Variants in DNAH11 observed in about 807,000 individuals in gnomAD.
DNAH11 encodes axonemal beta dynein heavy chain 11.
DNAH11 carries 442 observed loss-of-function variants against 526.0 expected under a neutral mutation model. That is an observed-to-expected ratio of 0.84 (90% CI 0.78 to 0.91). DNAH11 has a LOEUF of 0.91. Ranked by LOEUF, DNAH11 falls within the 40% of genes least tolerant of loss-of-function variation. The pLI, the probability that DNAH11 is intolerant of heterozygous loss-of-function variation, is 0.00. For missense variants in DNAH11, 6,989 were observed against 5,448.7 expected, an observed-to-expected ratio of 1.28 and a Z score of -8.90; for synonymous variants, 2,461 against 1,935.9, an observed-to-expected ratio of 1.27 and a Z score of -7.12.
rs183501471 is a variant in DNAH11 at position 21,590,699 on chromosome 7, T to C, written c.2170-219T>C. ...TTTCATAAAACCAATTTATAGAAAC[T>C]AATTTCTTGAGATGTTTAAGGATAA... On this transcript the variant is annotated intron_variant, in intron 12 of 81. Coordinates refer to ENST00000409508, the MANE Select transcript of DNAH11 (RefSeq NM_001277115.2). 2.0e-5 allele frequency among the ~76,000 whole-genome samples: 3 copies of C among 152,184 alleles called. No homozygotes were observed. In the South Asian group the frequency reaches 6.2e-4, roughly 31 times the overall value.
chr7:21,857,534 G>T (rs547221736), intron 68 of DNAH11, among the ~76,000 whole-genome samples: 36 of 147,238 alleles, frequency 2.4e-4, no homozygotes, highest in African/African-American at 8.5e-4. Flanking sequence ...TTTTGAAAAA[G>T]AAAAAAAAAA....
At chr7:21,690,741 T>G in intron 34 of DNAH11, 24 bp from the exon 35 acceptor site, 2 of 1,552,412 alleles carry the variant, frequency 1.3e-6, no homozygotes, top group Non-Finnish European at 1.8e-6. Context: ...ACATTTAATT[T>G]CATCAACATT....
At chr7:21,671,469 A>T (rs1252658998) in intron 30 of DNAH11, among the ~76,000 whole-genome samples, 1 of 152,150 alleles carries the variant, frequency 6.6e-6, no homozygotes, top group African/African-American at 2.4e-5. Flanking sequence ...TTTCAGTATT[A>T]TCCTCAGAAC....
intron 30 of DNAH11, among the ~76,000 whole-genome samples, chr7:21,661,876 A>G (rs534468843): frequency 1.1e-4 from 17 of 152,068 alleles, no homozygotes; most frequent in East Asian, 1.9e-4. Context: ...CTGGAGTGCA[A>G]TGGCACAATC....
intron 6 of DNAH11, among the ~76,000 whole-genome samples, chr7:21,569,797 G>C (rs751650812): frequency 7.2e-5 from 11 of 152,188 alleles, no homozygotes; most frequent in Non-Finnish European, 1.3e-4. Flanking sequence ...CATGACAGTT[G>C]TCATATAATG....
At position 21,638,929 on chromosome 7, in the gene DNAH11, A is replaced by T. The variant is rs1786992968; in HGVS notation, c.4818-10A>T. The T allele has an allele frequency of 6.3e-7, 1 of 1,593,300 alleles. No homozygotes were observed. The highest frequency in any genetic ancestry group is 8.5e-7 in the Non-Finnish European group (1 of 1,173,344). ...CAAGATATGCTTAAAAACATTTTTC[A>T]TTCATGTAGGCTTTCTCTTTGTGAA... On this transcript the variant is annotated splice_polypyrimidine_tract_variant and intron_variant, in intron 27 of 81. Transcript: ENST00000409508.
intron 9 of DNAH11, 81 bp from the exon 10 acceptor site, chr7:21,587,983 G>A: frequency 1.5e-6 from 2 of 1,357,386 alleles, no homozygotes. Flanking sequence ...TCATGTAAGA[G>A]GTTTGAAGGG....
intron 68 of DNAH11, among the ~76,000 whole-genome samples, chr7:21,859,902 A>T (rs1680486729): frequency 6.6e-6 from 1 of 152,180 alleles, no homozygotes; most frequent in Non-Finnish European, 1.5e-5. Flanking sequence ...ACAACAAAAC[A>T]CAGCAAATAA....
intron 65 of DNAH11, among the ~76,000 whole-genome samples, chr7:21,832,117 C>T (rs1375901084): frequency 1.3e-5 from 2 of 151,900 alleles, no homozygotes; most frequent in Non-Finnish European, 2.9e-5. Flanking sequence ...GTCACTTGCA[C>T]CCAGAAGCAA....
At chr7:21,759,099 C>T (rs1786773462) in intron 54 of DNAH11, among the ~76,000 whole-genome samples, 1 of 152,128 alleles carries the variant, frequency 6.6e-6, no homozygotes, top group Non-Finnish European at 1.5e-5. Context: ...CCAGTGCAGG[C>T]CCTGGTGACA....
At position 21,895,436 on chromosome 7, in the gene DNAH11, A is replaced by G. The variant is rs79324892; in HGVS notation, c.13049+437A>G. Among the ~76,000 whole-genome samples the G allele has an allele frequency of 3.7e-3, 556 of 152,314 alleles. 9 individuals are homozygous for G. In the East Asian group the frequency reaches 0.045, roughly 12 times the overall value. Reference sequence around the variant, plus strand: ...TAGACAACCTTTGAAAGTTTGTAATATGGTATGCAGTATGCAGTAAACTAG... The same window carrying G: ...TAGACAACCTTTGAAAGTTTGTAATGTGGTATGCAGTATGCAGTAAACTAG... On this transcript the variant is annotated intron_variant, in intron 79 of 81. Coordinates refer to ENST00000409508, the MANE Select transcript of DNAH11 (RefSeq NM_001277115.2).
At chr7:21,636,600 A>T (rs1562718666) in intron 26 of DNAH11, among the ~76,000 whole-genome samples, 1 of 152,026 alleles carries the variant, frequency 6.6e-6, no homozygotes, top group African/African-American at 2.4e-5. Context: ...TGGCTAGGCA[A>T]GGTGGCCCAA....
intron 2 of DNAH11, among the ~76,000 whole-genome samples, chr7:21,556,854 G>GAGTTTGAA (rs1337937856): frequency 6.6e-6 from 1 of 152,098 alleles, no homozygotes; most frequent in Non-Finnish European, 1.5e-5. Flanking sequence ...TTGAGGCCAG[G>GAGTTTGAA]AGTTTGAAAC....
intron 8 of DNAH11, among the ~76,000 whole-genome samples, chr7:21,579,978 G>C (rs1189021176): frequency 1.3e-5 from 2 of 152,146 alleles, no homozygotes; most frequent in African/African-American, 2.4e-5. Flanking sequence ...AGTCAAGGAG[G>C]TTGCCCAAGT....
intron 58 of DNAH11, among the ~76,000 whole-genome samples, chr7:21,785,831 T>A (rs2127986422): frequency 6.6e-6 from 1 of 152,358 alleles, no homozygotes; most frequent in Admixed American, 6.5e-5. Flanking sequence ...ATAGGCAGCT[T>A]CTGATAAGGG....
chr7:21,800,167 C>T (rs746270961), intron 61 of DNAH11, among the ~76,000 whole-genome samples: 3 of 152,194 alleles, frequency 2.0e-5, no homozygotes, highest in East Asian at 1.9e-4. Context: ...TTCTCTTTTA[C>T]ATCCCTTTCG....
intron 34 of DNAH11, among the ~76,000 whole-genome samples, chr7:21,688,162 C>T (rs558238258): frequency 1.3e-5 from 2 of 152,298 alleles, no homozygotes; most frequent in African/African-American, 2.4e-5. Flanking sequence ...TGGTTATTCT[C>T]CACTGCATGA....
chr7:21,638,001 A>C (rs933975951), intron 27 of DNAH11, among the ~76,000 whole-genome samples: 1 of 150,240 alleles, frequency 6.7e-6, no homozygotes, highest in South Asian at 2.1e-4. Context: ...TCCTCAGACT[A>C]TCCTGTAAAT....
intron 1 of DNAH11, 102 bp downstream of exon 1, chr7:21,543,698 C>A: frequency 7.5e-7 from 1 of 1,333,676 alleles, no homozygotes; most frequent in Non-Finnish European, 1.0e-6. Flanking sequence ...CTCACTCGGG[C>A]ACTTTAACAA....
Sources: gnomAD v4.1 joint callset for allele counts (sites outside exome capture counted in the v4.1 genomes callset) on GRCh38, gnomAD v4.1.1 for gene constraint, MANE v1.5 for transcripts, NCBI Gene and HGNC (gene_info 2026-07-23, HGNC 2026-07-21) for gene names.